The following CIITA variants were observed in gnomAD, a reference collection of about 807,000 sequenced individuals.
CIITA encodes class II major histocompatibility complex transactivator.
In CIITA, 72 loss-of-function variants were observed where a neutral mutation model predicts 115.1. That is an observed-to-expected ratio of 0.63 (90% confidence interval 0.52 to 0.76). The LOEUF (loss-of-function observed/expected upper bound fraction) is 0.76, where lower values mean the gene tolerates loss of function less well. CIITA is among the 30% of genes least tolerant of loss of function. The probability of loss-of-function intolerance (pLI) is 0.00; values close to 1 mark genes in which losing one functional copy is unlikely to be tolerated. For missense variants in CIITA, 1,617 were observed against 1,463.8 expected (o/e 1.10, Z -1.71); for synonymous variants, 763 against 635.6 (o/e 1.20, Z -3.02).
At chr16:10,894,239 T>C (rs1213770313) in intron 1 of CIITA, among the ~76,000 whole-genome samples, 1 of 152,088 alleles carries the variant, frequency 6.6e-6, no homozygotes, top group African/African-American at 2.4e-5. Flanking sequence ...TGTGTCCGGC[T>C]TCTTCACTTA....
chr16:10,872,274 C>T (rs147472534), upstream of CIITA, among the ~76,000 whole-genome samples: 1,592 of 152,138 alleles, frequency 0.01, 35 homozygotes, highest in African/African-American at 0.036. Context: ...AGGCGCCTGC[C>T]ACCATGCCGA....
chr16:10,903,586 C>A, intron 8 of CIITA, 145 bp from the exon 9 acceptor site: 1 of 883,092 alleles, frequency 1.1e-6, no homozygotes, highest in Non-Finnish European at 1.8e-6. Context: ...TCAGCTCTGT[C>A]CTGAAATATC....
upstream of CIITA, among the ~76,000 whole-genome samples, chr16:10,875,713 C>T (rs1209718215): frequency 1.3e-5 from 2 of 152,088 alleles, no homozygotes; most frequent in East Asian, 3.9e-4. Context: ...ACTCTGTTGC[C>T]CAGGCTGGAG....
rs376851862 is a variant in CIITA at position 10,909,206 on chromosome 16, G to A, written c.2816+19G>A. 9.3e-5 allele frequency: 150 copies of A among 1,613,524 alleles called. 1 individual carries two copies. The South Asian group carries it at 1.3e-3, about 14-fold the overall frequency. ...CTCAGAGGTGAGAGGAGAGGCGGAT[G>A]GGAGGTGGTTCACGCCATGCAGGTT... On this transcript the variant is annotated intron_variant, in intron 12 of 19. Transcript: ENST00000324288.
intron 5 of CIITA, 107 bp downstream of exon 5, chr16:10,899,109 C>A (rs1459425903): frequency 1.8e-6 from 2 of 1,085,990 alleles, no homozygotes; most frequent in African/African-American, 3.1e-5. Context: ...TAAGTCCTGT[C>A]TGGTTGGGAG....
rs2038738454 is a variant in CIITA, at chr16:10,901,407, A to G, written c.437-107A>G. 5.7e-6 allele frequency: 7 copies of G among 1,224,398 alleles called. No individual in the cohort carries two copies. The highest frequency in any genetic ancestry group is 2.4e-5 in the East Asian group (1 of 41,584). The allele number at this position is 1,224,398 out of a possible 1,614,324, so 75.8% of individuals were successfully genotyped here. A position where few individuals can be genotyped will look rare whatever the true frequency, so the allele number is the denominator to read the frequency against. The stretch of plus-strand genomic sequence containing the variant: ...GGGAGGAAAATGGACCCCCAAGACC[A>G]CTACCCAGCCTTGAAGTTAAGGCCG... On this transcript the variant is annotated intron_variant, in intron 5 of 19. Transcript: ENST00000324288. This position sits in a 1 kb window ranked among gnomAD's most constrained non-coding sequence, Gnocchi z 6.8.
Position 10,907,869 on chromosome 16 carries a change from C to G in CIITA, c.2377C>G (p.Leu793Val), listed in dbSNP as rs34082539. 1.2e-6 allele frequency: 2 copies of G among 1,608,082 alleles called. No homozygotes were observed. Among genetic ancestry groups the G allele is most frequent in the African/African-American group, 2.7e-5 (2 of 74,854 alleles). Residue 793 changes from leucine (L) to valine (V), a missense_variant, in exon 11 of 20, where the codon CTG (leucine) becomes GTG (valine). Leu to Val is a conservative substitution (Grantham distance 32). Coordinates refer to ENST00000324288, the MANE Select transcript of CIITA (RefSeq NM_000246.4). The surrounding 1 kb of genome is among the most constrained non-coding windows in gnomAD (Gnocchi z 5.0). ...GAAGCAGAAGGTGCTTGCGAGGTAC[C>G]TGAAGCGGCTGCAGCCGGGGACACT... ...DRKQKVLARY[L>V]KRLQPGTLRA...
At chr16:10,905,662 C>T (rs964871565) in intron 10 of CIITA, among the ~76,000 whole-genome samples, 1 of 151,492 alleles carries the variant, frequency 6.6e-6, no homozygotes. Context: ...CTTGGCAGGC[C>T]GAGGCAGGAG....
intron 15 of CIITA, chr16:10,916,895 G>T (rs1237060322): frequency 1.6e-5 from 5 of 307,254 alleles, no homozygotes; most frequent in Non-Finnish European, 3.1e-5. Flanking sequence ...ACCTTTCTAG[G>T]CCCTGGAGAC....
rs141272813 is a variant in CIITA, at chr16:10,941,943, C to A, written n.1069C>A. The A allele has an allele frequency of 2.3e-4, 371 of 1,580,540 alleles. 1 individual carries two copies. The African/African-American group carries it at 4.5e-3, about 19-fold the overall frequency. ...AGAACATAGAGGGCAGCAGCGGCGGCGGCACGTAGGGGACCAGGGGGCCCA... is the reference window on the plus strand; with the variant it reads ...AGAACATAGAGGGCAGCAGCGGCGGAGGCACGTAGGGGACCAGGGGGCCCA... On this transcript the variant is annotated non_coding_transcript_exon_variant, in exon 2 of 2. Transcript: ENST00000573379. This position sits in a 1 kb window ranked among gnomAD's most constrained non-coding sequence, Gnocchi z 6.4.
chr16:10,888,994 C>T (rs528672244), intron 1 of CIITA, among the ~76,000 whole-genome samples: 17 of 152,300 alleles, frequency 1.1e-4, no homozygotes, highest in African/African-American at 2.9e-4. Context: ...GTAATGCCTA[C>T]GAGTCATGTC....
At chr16:10,903,032 A>T (rs948634505) in intron 8 of CIITA, among the ~76,000 whole-genome samples, 1 of 152,084 alleles carries the variant, frequency 6.6e-6, no homozygotes, top group Non-Finnish European at 1.5e-5. Flanking sequence ...GGCCTTCCAT[A>T]TGTTGCTTTC....
chr16:10,909,551 C>A (rs35206575), intron 12 of CIITA, among the ~76,000 whole-genome samples: 1 of 151,944 alleles, frequency 6.6e-6, no homozygotes, highest in African/African-American at 2.4e-5. Flanking sequence ...AATTTATAGA[C>A]GGCAGAGCTA....
intron 1 of CIITA, among the ~76,000 whole-genome samples, chr16:10,890,267 G>T (rs1489549700): frequency 1.3e-5 from 2 of 151,212 alleles, no homozygotes; most frequent in Non-Finnish European, 2.9e-5. Context: ...CATCCAAGCT[G>T]CCCTGCTGGC....
rs560638114 is a variant in CIITA, at chr16:10,904,623, T to G, written c.938-121T>G. On this transcript the variant is annotated intron_variant, in intron 9 of 19. Transcript: ENST00000324288. The stretch of plus-strand genomic sequence containing the variant: ...TAGATACAGCCTCAGGCCGCTATCT[T>G]ATAACCTCCATCTTGGGAAACTCAG... 9 of 992,074 alleles carry G rather than the reference T, an allele frequency of 9.1e-6. No individual in the cohort carries two copies. In the East Asian group the frequency reaches 1.9e-4, roughly 21 times the overall value. 61.5% of individuals were successfully genotyped at this position (992,074 alleles called of 1,614,324 possible). A position where few individuals can be genotyped will look rare whatever the true frequency, so the allele number is the denominator to read the frequency against.
At chr16:10,909,489 G>A (rs1242948104) in intron 12 of CIITA, among the ~76,000 whole-genome samples, 1 of 152,256 alleles carries the variant, frequency 6.6e-6, no homozygotes, top group African/African-American at 2.4e-5. Flanking sequence ...CCTAGTAACA[G>A]AAGTGACACC....
chr16:10,901,777 A>G lies in CIITA; in HGVS notation c.481+219A>G. ...GGGGCTTGGAGCTAACAGATTGTTC[A>G]TAGGTTCTATTCTGCCCCAGCTCTC... On this transcript the variant is annotated intron_variant, in intron 6 of 19. Coordinates refer to ENST00000324288, the MANE Select transcript of CIITA (RefSeq NM_000246.4). This position sits in a 1 kb window ranked among gnomAD's most constrained non-coding sequence, Gnocchi z 6.8. The G allele has an allele frequency of 1.5e-6, 1 of 666,486 alleles. No individual in the cohort carries two copies. Among genetic ancestry groups the G allele is most frequent in the Non-Finnish European group, 2.6e-6 (1 of 387,966 alleles). 41.3% of individuals were successfully genotyped at this position (666,486 alleles called of 1,614,324 possible). A position where few individuals can be genotyped will look rare whatever the true frequency, so the allele number is the denominator to read the frequency against.
intron 13 of CIITA, among the ~76,000 whole-genome samples, chr16:10,912,011 G>T (rs557838305): frequency 6.6e-6 from 1 of 152,196 alleles, no homozygotes; most frequent in Non-Finnish European, 1.5e-5. Context: ...GGTCAGCCTG[G>T]CCCTAAGCTC....
At chr16:10,894,200 TA>T (rs1184116735) in intron 1 of CIITA, among the ~76,000 whole-genome samples, 2 of 152,148 alleles carry the variant, frequency 1.3e-5, no homozygotes. Flanking sequence ...TCATTTCAAA[TA>T]AATAGAATCA....
Sources: gnomAD v4.1 joint callset for allele counts (sites outside exome capture counted in the v4.1 genomes callset) on GRCh38, gnomAD v4.1.1 for gene constraint, Gnocchi (gnomAD v3.1) non-coding constraint, MANE v1.5 for transcripts, NCBI Gene and HGNC (gene_info 2026-07-23, HGNC 2026-07-21) for gene names.